Variants in BMPER observed in about 807,000 individuals in gnomAD.
The protein encoded by BMPER is BMP binding endothelial regulator, also known as BMP-binding endothelial regulator protein.
A neutral mutation model predicts 87.3 loss-of-function variants in BMPER; 45 were observed. The observed-to-expected ratio is 0.52, with a 90% confidence interval of 0.41 to 0.66. The LOEUF is 0.66. Among genes scored for constraint, BMPER ranks in the 30% least tolerant of loss-of-function variants. The pLI is 0.00. For missense variants in BMPER, 784 were observed against 867.5 expected (o/e 0.90, Z 1.21); for synonymous variants, 326 against 316.2 (o/e 1.03, Z -0.33).
At position 34,055,150 on chromosome 7, in the gene BMPER, T is replaced by C; in HGVS notation, c.787-13T>C. On this transcript the variant is annotated splice_polypyrimidine_tract_variant and intron_variant, in intron 8 of 14. Transcript: ENST00000649409. ...AATCATTTTTAATTTCTATTTTGCC[T>C]TTGGGCCCCCAGGACTCTACTGTGG... The C allele has an allele frequency of 6.2e-7, 1 of 1,614,158 alleles. No homozygotes were observed. Among genetic ancestry groups the C allele is most frequent in the Non-Finnish European group, 8.5e-7 (1 of 1,180,006 alleles).
chr7:34,059,296 G>A (rs1788368429), intron 10 of BMPER, among the ~76,000 whole-genome samples: 1 of 152,120 alleles, frequency 6.6e-6, no homozygotes, highest in Admixed American at 6.5e-5. Context: ...GGTGGCTCAA[G>A]TAACTAGCCT....
intron 13 of BMPER, among the ~76,000 whole-genome samples, chr7:34,141,795 C>T (rs1201523796): frequency 6.6e-6 from 1 of 151,980 alleles, no homozygotes; most frequent in Non-Finnish European, 1.5e-5. Flanking sequence ...TTCCTATTTC[C>T]CAAAACTGTG....
chr7:33,993,899 C>A (rs1260911763), intron 6 of BMPER, among the ~76,000 whole-genome samples: 1 of 151,978 alleles, frequency 6.6e-6, no homozygotes, highest in East Asian at 1.9e-4. Flanking sequence ...TCAGTGTGCC[C>A]CTGCTGGAGG....
At chr7:33,993,543 A>G (rs1004295889) in intron 6 of BMPER, among the ~76,000 whole-genome samples, 3 of 151,564 alleles carry the variant, frequency 2.0e-5, no homozygotes, top group Non-Finnish European at 4.4e-5. Context: ...AAAGTTTTCA[A>G]CTTCTTTGCC....
At position 33,986,080 on chromosome 7, in the gene BMPER, C is replaced by T. The variant is rs184883252; in HGVS notation, c.576+11296C>T. On this transcript the variant is annotated intron_variant, in intron 6 of 14. Coordinates refer to ENST00000649409, the MANE Select transcript of BMPER (RefSeq NM_001365308.1). ...TAAACTCCTTCTTTTCCATCTCTAA[C>T]TCCTTCGTTTTGAGATTGCGACCTT... Among the ~76,000 whole-genome samples, 45 of 152,322 alleles carry T rather than the reference C, an allele frequency of 3.0e-4. 1 individual carries two copies. The highest frequency in any genetic ancestry group is 3.4e-3 in the Middle Eastern group (1 of 294).
At chr7:33,907,001 TA>T (rs1245557122) in intron 2 of BMPER, 98 bp downstream of exon 2, 55 of 1,187,840 alleles carry the variant, frequency 4.6e-5, no homozygotes, top group Non-Finnish European at 6.4e-5. Flanking sequence ...AAATTGTCTT[TA>T]TCATTACAAA....
intron 11 of BMPER, among the ~76,000 whole-genome samples, chr7:34,065,163 T>C (rs1788542397): frequency 6.6e-6 from 1 of 151,186 alleles, no homozygotes; most frequent in South Asian, 2.1e-4. Context: ...ACACATACAC[T>C]CTCTCCCTCT....
chr7:33,904,998 G>T (rs1311531313), upstream of BMPER: 2 of 154,442 alleles, frequency 1.3e-5, no homozygotes, highest in Non-Finnish European at 2.9e-5. The surrounding 1 kb of genome is among the most constrained non-coding windows in gnomAD (Gnocchi z 5.4). Context: ...AAGCTGGGCC[G>T]AGAGAGTTCC....
chr7:33,909,167 T>C (rs1783892344), intron 2 of BMPER, among the ~76,000 whole-genome samples: 2 of 152,194 alleles, frequency 1.3e-5, no homozygotes, highest in African/African-American at 2.4e-5. Flanking sequence ...ACAAAACTCC[T>C]TTGAGGGCTT....
chr7:33,954,833 G>A (rs1785112278), intron 3 of BMPER, among the ~76,000 whole-genome samples: 2 of 152,238 alleles, frequency 1.3e-5, no homozygotes, highest in African/African-American at 4.8e-5. Context: ...ATCAGTAGCT[G>A]CTTTTCTTGA....
intron 6 of BMPER, among the ~76,000 whole-genome samples, chr7:33,999,173 A>G (rs899215469): frequency 4.6e-5 from 7 of 152,222 alleles, no homozygotes; most frequent in Non-Finnish European, 4.4e-5. Flanking sequence ...CAAAATTCAA[A>G]ATGGCAGTTT....
chr7:33,908,990 G>A (rs1045404677), intron 2 of BMPER, among the ~76,000 whole-genome samples: 5 of 152,148 alleles, frequency 3.3e-5, no homozygotes, highest in Non-Finnish European at 5.9e-5. Context: ...AAAGCACTCC[G>A]GACAGCCAGG....
chr7:33,916,746 G>A (rs1291384107), intron 2 of BMPER, among the ~76,000 whole-genome samples: 2 of 152,162 alleles, frequency 1.3e-5, no homozygotes, highest in Non-Finnish European at 2.9e-5. Flanking sequence ...TAAGAACCTC[G>A]TCGTGGTCAT....
chr7:33,947,561 A>T (rs1784918276), intron 3 of BMPER, among the ~76,000 whole-genome samples: 1 of 152,152 alleles, frequency 6.6e-6, no homozygotes, highest in Non-Finnish European at 1.5e-5. Flanking sequence ...AAATCCTGTG[A>T]TGTCTCATGA....
chr7:34,071,650 G>A (rs961653), intron 11 of BMPER, among the ~76,000 whole-genome samples: 5,483 of 137,744 alleles, frequency 0.04, 343 homozygotes, highest in African/African-American at 0.13. Context: ...TAGTGAGAGT[G>A]GCAAAAATGC....
chr7:34,039,190 G>T (rs188106118), intron 6 of BMPER, among the ~76,000 whole-genome samples: 1 of 152,212 alleles, frequency 6.6e-6, no homozygotes, highest in Non-Finnish European at 1.5e-5. Flanking sequence ...TGTGCTAGCT[G>T]CTGGGGGAAT....
At chr7:33,967,171 G>C (rs1222447103) in intron 4 of BMPER, among the ~76,000 whole-genome samples, 3 of 152,050 alleles carry the variant, frequency 2.0e-5, no homozygotes, top group Non-Finnish European at 2.9e-5. Flanking sequence ...GAAATGAAAA[G>C]CCTAAATTTT....
chr7:34,117,517 C>T (rs527775431), intron 13 of BMPER, among the ~76,000 whole-genome samples: 4 of 152,292 alleles, frequency 2.6e-5, no homozygotes, highest in East Asian at 1.9e-4. Flanking sequence ...ACTCTTGATA[C>T]GCAGTCTCTC....
chr7:33,982,138 G>T (rs1039517009), intron 6 of BMPER, among the ~76,000 whole-genome samples: 1 of 152,224 alleles, frequency 6.6e-6, no homozygotes, highest in Non-Finnish European at 1.5e-5. Flanking sequence ...CATTTCTGTG[G>T]TCACGTGGTG....
Sources: allele counts gnomAD v4.1 joint callset (sites outside exome capture counted in the v4.1 genomes callset), GRCh38; gene constraint gnomAD v4.1.1; non-coding constraint Gnocchi (gnomAD v3.1); transcripts MANE v1.5; gene names NCBI Gene and HGNC (gene_info 2026-07-23, HGNC 2026-07-21).